The following HCN2 variants were observed in gnomAD, a reference collection of about 807,000 sequenced individuals.
HCN2 encodes potassium/sodium hyperpolarization-activated cyclic nucleotide-gated channel 2.
Under a neutral mutation model 52.3 loss-of-function variants are expected in HCN2, and 20 were observed. The ratio of observed to expected loss-of-function variants is 0.38; its 90% confidence interval spans 0.27 to 0.56. HCN2 has a LOEUF of 0.56. Among genes scored for constraint, HCN2 ranks in the 20% least tolerant of loss-of-function variants. The pLI, the probability that HCN2 is intolerant of heterozygous loss-of-function variation, is 0.71. For missense variants in HCN2, 981 were observed against 1,207.7 expected (o/e 0.81, Z 2.78); for synonymous variants, 694 against 537.0 (o/e 1.29, Z -4.04).
Position 616,374 on chromosome 19 carries a change from C to T in HCN2, c.2570C>T (p.Ala857Val). 8.1e-7 allele frequency: 1 copy of T among 1,229,900 alleles called. No homozygotes were observed. 76.2% of individuals were successfully genotyped at this position (1,229,900 alleles called of 1,614,324 possible). Residue 857 changes from alanine (A) to valine (V), a missense_variant, in exon 8 of 8, where the codon GCC becomes GTC. Ala to Val is a moderately conservative substitution (Grantham distance 64). Coordinates refer to ENST00000251287, the MANE Select transcript of HCN2 (RefSeq NM_001194.4). ...RLGPTPAARA[A>V]APSPDRRDSA... ...GGGCCCACGCCCGCTGCCCGGGCCG[C>T]CGCGCCCAGCCCGGACCGCAGGGAC...
At chr19:596,435 G>GAGCTGGTCT in intron 1 of HCN2, among the ~76,000 whole-genome samples, 1 of 152,272 alleles carries the variant, frequency 6.6e-6, no homozygotes. Flanking sequence ...CAGGGACCCA[G>GAGCTGGTCT]CCTCATCCCG....
intron 2 of HCN2, among the ~76,000 whole-genome samples, chr19:604,753 G>GGGCGGGATCAAGCAGCAA (rs1983354098): frequency 2.2e-5 from 3 of 135,670 alleles, no homozygotes; most frequent in Non-Finnish European, 3.2e-5. Context: ...GGGTTGTGCT[G>GGGCGGGATCAAGCAGCAA]GGGCGGTGTC....
intron 5 of HCN2, among the ~76,000 whole-genome samples, chr19:612,093 C>T (rs1028896816): frequency 9.2e-5 from 14 of 151,774 alleles, no homozygotes; most frequent in African/African-American, 2.9e-4. Context: ...TGCAGTGAGC[C>T]GAGATTGTGC....
chr19:603,639 C>T lies in HCN2; in HGVS notation c.728C>T (p.Pro243Leu), dbSNP rs202115554. 3.4e-5 allele frequency: 55 copies of T among 1,612,450 alleles called. No individual in the cohort carries two copies. Among genetic ancestry groups the T allele is most frequent in the Admixed American group, 8.3e-5 (5 of 59,986 alleles). Residue 243 changes from proline (P) to leucine (L), a missense_variant, in exon 2 of 8, where the codon CCG (proline) becomes CTG (leucine). By Grantham distance (98) the Pro-to-Leu change is moderately conservative. This residue lies in a region of HCN2 where 282 missense variants were observed against 553.8 expected (regional missense o/e 0.51). Transcript: ENST00000251287. Reference protein sequence around the residue: ...ITFFKDETTAPWIVFNVVSDT... With the variant: ...ITFFKDETTALWIVFNVVSDT... ...TTCTTCAAGGATGAGACCACTGCCCCGTGGATCGTGTTCAACGTGGTCTCG... is the reference window on the plus strand; with the variant it reads ...TTCTTCAAGGATGAGACCACTGCCCTGTGGATCGTGTTCAACGTGGTCTCG...
chr19:605,302 A>AAGTGGCACGCT lies in HCN2; in HGVS notation c.1218+80_1218+81insAGTGGCACGCT. ...GGACCCAGGCCCCCTTATCCCGCTT[A>AAGTGGCACGCT]CAGAGGGTTGAACCCAAGCCTTTCA... On this transcript the variant is annotated intron_variant, in intron 3 of 7. Transcript: ENST00000251287. 4.0e-6 allele frequency: 5 copies of AAGTGGCACGCT among 1,253,904 alleles called. 1 individual carries two copies. The Admixed American group carries it at 1.5e-4, about 37-fold the overall frequency. The allele number at this position is 1,253,904 out of a possible 1,614,324, so 77.7% of individuals were successfully genotyped here.
At chr19:610,910 T>C (rs983222861) in intron 5 of HCN2, among the ~76,000 whole-genome samples, 1 of 151,798 alleles carries the variant, frequency 6.6e-6, no homozygotes, top group Non-Finnish European at 1.5e-5. Flanking sequence ...GGCCGGGCCG[T>C]GCTACCCCCC....
chr19:615,011 G>A (rs998497500), intron 7 of HCN2, among the ~76,000 whole-genome samples: 2 of 152,170 alleles, frequency 1.3e-5, no homozygotes, highest in African/African-American at 4.8e-5. Flanking sequence ...TATACAGTGA[G>A]TATGCAACCC....
Position 592,614 on chromosome 19 carries a change from T to C in HCN2, c.632+2037T>C, listed in dbSNP as rs983461464. 3.3e-5 allele frequency among the ~76,000 whole-genome samples: 5 copies of C among 152,202 alleles called. No homozygotes were observed. Among genetic ancestry groups the C allele is most frequent in the Admixed American group, 2.6e-4 (4 of 15,290 alleles). On this transcript the variant is annotated intron_variant, in intron 1 of 7. Coordinates refer to ENST00000251287, the MANE Select transcript of HCN2 (RefSeq NM_001194.4). This position sits in a 1 kb window ranked among gnomAD's most constrained non-coding sequence, Gnocchi z 4.8. Reference sequence around the variant, plus strand: ...CAGGGAATGGGGTTAGCGGGGCCTGTCTTCGGGACTAGGGGAGTCACGGCA... The same window carrying C: ...CAGGGAATGGGGTTAGCGGGGCCTGCCTTCGGGACTAGGGGAGTCACGGCA...
chr19:614,896 C>T (rs915774595), intron 7 of HCN2, among the ~76,000 whole-genome samples: 40 of 152,104 alleles, frequency 2.6e-4, no homozygotes, highest in East Asian at 1.5e-3. Context: ...TGCTGCTGTT[C>T]GTGGGAATGG....
chr19:615,832 T>C lies in HCN2; in HGVS notation c.2028T>C (p.His676=). ...CCATCCTCCTGCACAAGGTGCAGCA[T>C]GACCTCAACTCGGGCGTATTCAACA... ...KNSILLHKVQ[H]DLNSGVFNNQ... The change falls in exon 8 of 8, where the codon CAT becomes CAC. Residue 676 remains histidine (H), a synonymous_variant. Transcript: ENST00000251287. The C allele has an allele frequency of 6.2e-7, 1 of 1,612,656 alleles. No individual in the cohort carries two copies. Among genetic ancestry groups the C allele is most frequent in the Middle Eastern group, 1.8e-4 (1 of 5,658 alleles).
chr19:592,805 G>A lies in HCN2; in HGVS notation c.632+2228G>A, dbSNP rs1982911596. Among the ~76,000 whole-genome samples, 1 of 152,126 alleles carries A rather than the reference G, an allele frequency of 6.6e-6. No individual in the cohort carries two copies. Among genetic ancestry groups the A allele is most frequent in the African/African-American group, 2.4e-5 (1 of 41,434 alleles). On this transcript the variant is annotated intron_variant, in intron 1 of 7. Transcript: ENST00000251287. The surrounding 1 kb of genome is among the most constrained non-coding windows in gnomAD (Gnocchi z 4.8). ...AGGCGGCCGGACCCTGCTGTGGAGG[G>A]TGTTTTGGGGCAGCCCACAGCAAGC...
intron 3 of HCN2, among the ~76,000 whole-genome samples, chr19:606,837 C>T (rs1230985487): frequency 7.9e-6 from 1 of 126,764 alleles, no homozygotes. Flanking sequence ...GGCAACAGAG[C>T]CAGACTTTGT....
rs1016186302 is a variant in HCN2 at position 616,544 on chromosome 19, ATT to A, written c.*71_*72del. The A allele has an allele frequency of 3.7e-5, 34 of 912,982 alleles. No homozygotes were observed. Among genetic ancestry groups the A allele is most frequent in the Non-Finnish European group, 4.6e-5 (33 of 723,324 alleles). 56.6% of individuals were successfully genotyped at this position (912,982 alleles called of 1,614,324 possible). On this transcript the variant is annotated 3_prime_UTR_variant, in exon 8 of 8. Coordinates refer to ENST00000251287, the MANE Select transcript of HCN2 (RefSeq NM_001194.4). The stretch of plus-strand genomic sequence containing the variant: ...CCGTCATCCAGACCAAAGCCATGCC[ATT>A]GCGCTGCCCCGGCCGCCAGTCCGCC...
intron 5 of HCN2, among the ~76,000 whole-genome samples, chr19:610,672 CA>C (rs1487997862): frequency 3.3e-5 from 5 of 152,206 alleles, no homozygotes; most frequent in African/African-American, 1.2e-4. Flanking sequence ...AGAAGCAGGG[CA>C]GGGGGTGGGG....
chr19:610,595 A>AC (rs1455964398), intron 5 of HCN2, among the ~76,000 whole-genome samples, 190 bp downstream of exon 5: 3 of 151,618 alleles, frequency 2.0e-5, no homozygotes, highest in African/African-American at 7.3e-5. Flanking sequence ...GACCCCCGCC[A>AC]CCCCCGCCTT....
At position 616,608 on chromosome 19, in the gene HCN2, G is replaced by C; in HGVS notation, c.*134G>C. Reference sequence around the variant, plus strand: ...GACGAGACGTAGGTAGCCGTAGTTGGACGGACGGGCAGGGCCGGCGGGGCA... The same window carrying C: ...GACGAGACGTAGGTAGCCGTAGTTGCACGGACGGGCAGGGCCGGCGGGGCA... On this transcript the variant is annotated 3_prime_UTR_variant, in exon 8 of 8. Transcript: ENST00000251287. 8.3e-6 allele frequency: 4 copies of C among 481,920 alleles called. No homozygotes were observed. Among genetic ancestry groups the C allele is most frequent in the Non-Finnish European group, 1.2e-5 (4 of 339,376 alleles). 29.9% of individuals were successfully genotyped at this position (481,920 alleles called of 1,614,324 possible).
chr19:605,926 G>A (rs1983413470), intron 3 of HCN2, among the ~76,000 whole-genome samples: 1 of 152,174 alleles, frequency 6.6e-6, no homozygotes, highest in African/African-American at 2.4e-5. Context: ...CCCGGCACTG[G>A]CCCCTTAATG....
At chr19:603,295 A>C (rs57097104) in intron 1 of HCN2, among the ~76,000 whole-genome samples, 3 of 78,226 alleles carry the variant, frequency 3.8e-5, no homozygotes, top group South Asian at 7.0e-4. Flanking sequence ...AGGTGTGGGC[A>C]CCCTCGCCCC....
intron 3 of HCN2, among the ~76,000 whole-genome samples, chr19:607,745 C>T (rs769710294): frequency 1.6e-4 from 25 of 152,206 alleles, no homozygotes; most frequent in African/African-American, 5.1e-4. Flanking sequence ...AGGAGTGAAG[C>T]GGGCAGGTAG....
Sources: gnomAD v4.1 joint callset for allele counts (sites outside exome capture counted in the v4.1 genomes callset) on GRCh38, gnomAD v4.1.1 for gene constraint, gnomAD v4.1.1 regional missense constraint, Gnocchi (gnomAD v3.1) non-coding constraint, MANE v1.5 for transcripts, NCBI Gene and HGNC (gene_info 2026-07-23, HGNC 2026-07-21) for gene names.